The following PKHD1 variants were observed in gnomAD, a reference collection of about 807,000 sequenced individuals.
PKHD1 encodes the protein fibrocystin.
A neutral mutation model predicts 412.0 loss-of-function variants in PKHD1; 291 were observed. The ratio of observed to expected loss-of-function variants is 0.71; its 90% CI spans 0.64 to 0.78. The LOEUF (loss-of-function observed/expected upper bound fraction) is 0.78, where lower values mean the gene tolerates loss of function less well. PKHD1 is among the 30% of genes least tolerant of loss of function. PKHD1 has a pLI of 0.00. For synonymous variants in PKHD1, 1,777 were observed against 1,821.5 expected (o/e 0.98, Z 0.62); for missense variants, 4,825 against 4,950.7 (o/e 0.97, Z 0.76).
intron 37 of PKHD1, among the ~76,000 whole-genome samples, chr6:51,931,074 T>G (rs1022524340): frequency 6.6e-6 from 1 of 152,214 alleles, no homozygotes; most frequent in Non-Finnish European, 1.5e-5. Flanking sequence ...TAGAGATCTG[T>G]TGAAGGTCAT....
intron 32 of PKHD1, among the ~76,000 whole-genome samples, chr6:52,023,869 CCA>C (rs1801752794): frequency 6.6e-6 from 1 of 152,142 alleles, no homozygotes. Flanking sequence ...ATCCTAGTCC[CCA>C]CAGTGTTCCA....
chr6:51,668,362 A>G (rs570363270), intron 60 of PKHD1, among the ~76,000 whole-genome samples: 2 of 152,300 alleles, frequency 1.3e-5, no homozygotes, highest in East Asian at 3.9e-4. Context: ...TTGTTGGTGT[A>G]TAAGAATGCT....
chr6:51,793,589 C>A (rs1794100975), intron 52 of PKHD1, among the ~76,000 whole-genome samples: 1 of 152,182 alleles, frequency 6.6e-6, no homozygotes, highest in Non-Finnish European at 1.5e-5. Flanking sequence ...TCACTTAGCT[C>A]CCACTTACAA....
intron 60 of PKHD1, among the ~76,000 whole-genome samples, chr6:51,730,446 T>C (rs1266072707): frequency 3.3e-5 from 5 of 152,220 alleles, no homozygotes; most frequent in Non-Finnish European, 5.9e-5. Flanking sequence ...ACGTTGCTAT[T>C]TGAATGATTT....
chr6:52,011,929 C>G (rs1799882609), intron 34 of PKHD1, among the ~76,000 whole-genome samples: 2 of 152,204 alleles, frequency 1.3e-5, no homozygotes, highest in African/African-American at 4.8e-5. Flanking sequence ...TCTCACGGTA[C>G]CTGATACTGT....
chr6:51,723,108 TA>T (rs1400618653), intron 60 of PKHD1, among the ~76,000 whole-genome samples: 1 of 152,160 alleles, frequency 6.6e-6, no homozygotes, highest in East Asian at 1.9e-4. Flanking sequence ...AAAAAGAGAA[TA>T]AAAGTCTGCT....
At chr6:51,726,221 T>C (rs576700068) in intron 60 of PKHD1, among the ~76,000 whole-genome samples, 62 of 152,292 alleles carry the variant, frequency 4.1e-4, no homozygotes, top group Admixed American at 2.8e-3. Context: ...ATACAGGAGT[T>C]TCTAATGCTT....
intron 52 of PKHD1, among the ~76,000 whole-genome samples, chr6:51,800,441 GAC>G (rs1762733644): frequency 6.6e-6 from 1 of 152,168 alleles, no homozygotes; most frequent in Admixed American, 6.5e-5. Context: ...CTAGCCTCAA[GAC>G]CAGAAAACCT....
At chr6:51,781,271 T>C (rs531171255) in intron 53 of PKHD1, among the ~76,000 whole-genome samples, 3 of 152,278 alleles carry the variant, frequency 2.0e-5, no homozygotes, top group African/African-American at 7.2e-5. Flanking sequence ...CCAGTAGAAC[T>C]GATTCCATCT....
At position 51,909,346 on chromosome 6, in the gene PKHD1, G is replaced by C; in HGVS notation, c.6619C>G (p.Gln2207Glu). Residue 2207 changes from glutamine (Q) to glutamate (E), a missense_variant, in exon 40 of 67, where the codon CAA becomes GAA. Gln to Glu is a conservative substitution (Grantham distance 29). Transcript: ENST00000371117. ...TTATGGAAGGCTTGCCCCAAGACTT[G>C]AAACTGCACTCCCTTCAACTGGACC... is the stretch of plus-strand genomic sequence containing the variant. ...SQVQLKGVQF[Q>E]VLGQAFHKHL... 6.2e-7 allele frequency: 1 copy of C among 1,613,552 alleles called. No homozygotes were observed. Among genetic ancestry groups the C allele is most frequent in the Non-Finnish European group, 8.5e-7 (1 of 1,179,666 alleles).
intron 36 of PKHD1, among the ~76,000 whole-genome samples, chr6:51,944,420 C>T (rs1005243261): frequency 1.3e-5 from 2 of 152,154 alleles, no homozygotes; most frequent in East Asian, 1.9e-4. Flanking sequence ...CGCATGGATG[C>T]GAGTGAAAAA....
chr6:51,700,068 G>A (rs1039949100), intron 60 of PKHD1, among the ~76,000 whole-genome samples: 2 of 151,594 alleles, frequency 1.3e-5, no homozygotes, highest in South Asian at 4.2e-4. Context: ...TCAATTCTAG[G>A]TACATCTCAT....
At chr6:52,060,875 A>T (rs1166625508) in intron 14 of PKHD1, among the ~76,000 whole-genome samples, 1 of 152,166 alleles carries the variant, frequency 6.6e-6, no homozygotes, top group Non-Finnish European at 1.5e-5. Flanking sequence ...CAATAAATGA[A>T]TATTTTAATT....
In PKHD1 at chr6:51,832,420, T is replaced by C. The variant is rs532532587; in HGVS notation, c.8174-1431A>G. Among the ~76,000 whole-genome samples, 5 of 152,030 alleles carry C rather than the reference T, an allele frequency of 3.3e-5. No individual in the cohort carries two copies. The South Asian group carries it at 1.0e-3, about 32-fold the overall frequency. On this transcript the variant is annotated intron_variant, in intron 51 of 66. Coordinates refer to ENST00000371117, the MANE Select transcript of PKHD1 (RefSeq NM_138694.4). Reference sequence around the variant, plus strand: ...TGGAGGAATGATAAGAAATTTGGTGTTGCTGAACCACAGAGCTAGAAGAGA... The same window carrying C: ...TGGAGGAATGATAAGAAATTTGGTGCTGCTGAACCACAGAGCTAGAAGAGA...
chr6:51,870,670 A>T (rs760247718), intron 46 of PKHD1, 31 bp from the exon 47 acceptor site: 1 of 1,572,762 alleles, frequency 6.4e-7, no homozygotes, highest in Admixed American at 1.7e-5. Context: ...AGATGAAAGC[A>T]AAATAAGAAA....
intron 64 of PKHD1, among the ~76,000 whole-genome samples, chr6:51,636,869 T>C (rs1768644674): frequency 6.6e-6 from 1 of 152,212 alleles, no homozygotes; most frequent in Non-Finnish European, 1.5e-5. Context: ...TCTCCAAATT[T>C]AAACTTTTAT....
intron 35 of PKHD1, among the ~76,000 whole-genome samples, chr6:51,982,154 C>T (rs1230046813): frequency 1.8e-3 from 68 of 38,734 alleles, no homozygotes; most frequent in East Asian, 3.1e-3. Context: ...GGAGCGTCTC[C>T]GCCCGGCAGC....
intron 11 of PKHD1, among the ~76,000 whole-genome samples, chr6:52,069,160 C>G (rs182497158): frequency 1.1e-3 from 171 of 152,218 alleles, no homozygotes; most frequent in South Asian, 1.9e-3. Context: ...TTTTTAAGTG[C>G]CACCTTTTTT....
intron 29 of PKHD1, among the ~76,000 whole-genome samples, chr6:52,030,439 C>T (rs372648878): frequency 1.8e-4 from 27 of 152,118 alleles, no homozygotes; most frequent in Non-Finnish European, 3.5e-4. Context: ...TTCTCTTGAC[C>T]GCATGTCTTC....
Sources: gnomAD v4.1 joint callset for allele counts (sites outside exome capture counted in the v4.1 genomes callset) on GRCh38, gnomAD v4.1.1 for gene constraint, MANE v1.5 for transcripts, NCBI Gene and HGNC (gene_info 2026-07-23, HGNC 2026-07-21) for gene names.